PTPRK: variants seen among roughly 807,000 people sequenced by gnomAD.
The protein encoded by PTPRK is protein tyrosine phosphatase receptor type K.
Under a neutral mutation model 178.0 loss-of-function variants are expected in PTPRK, and 75 were observed. The ratio of observed to expected loss-of-function variants is 0.42; its 90% CI spans 0.35 to 0.51. The LOEUF is 0.51. Ranked by LOEUF, PTPRK falls within the 20% of genes least tolerant of loss-of-function variation. The pLI is 0.02. For missense variants in PTPRK, 1,441 were observed against 1,797.8 expected, an observed-to-expected ratio of 0.80 and a Z score of 3.59; for synonymous variants, 637 against 620.6, an observed-to-expected ratio of 1.03 and a Z score of -0.39.
rs540465290 is a variant in PTPRK, at chr6:128,112,575, G to C, written c.1163-22583C>G. ...TGTGACAGAGGAAACATAAATCTAA[G>C]TGTATCACAGTTTCAGAGCTCTGGA... On this transcript the variant is annotated intron_variant, in intron 7 of 29. Transcript: ENST00000368226. 1.1e-4 allele frequency among the ~76,000 whole-genome samples: 16 copies of C among 152,170 alleles called. No homozygotes were observed. The South Asian group carries it at 3.3e-3, about 32-fold the overall frequency.
At chr6:128,082,001 A>C (rs1784906495) in intron 10 of PTPRK, among the ~76,000 whole-genome samples, 1 of 152,052 alleles carries the variant, frequency 6.6e-6, no homozygotes, top group Non-Finnish European at 1.5e-5. Flanking sequence ...TCTTTGTTTA[A>C]AATTATCATA....
intron 13 of PTPRK, among the ~76,000 whole-genome samples, chr6:128,016,399 G>A (rs944119887): frequency 2.0e-5 from 3 of 151,732 alleles, no homozygotes; most frequent in African/African-American, 4.8e-5. Flanking sequence ...CCTTATCTTC[G>A]GAAAGAAAGG....
intron 6 of PTPRK, among the ~76,000 whole-genome samples, chr6:128,201,825 G>A (rs1477659852): frequency 1.3e-5 from 2 of 152,084 alleles, no homozygotes; most frequent in Non-Finnish European, 2.9e-5. Context: ...GCAACTTAAA[G>A]GAAATGCATT....
chr6:128,307,727 G>C (rs1010168666), intron 3 of PTPRK, among the ~76,000 whole-genome samples: 15 of 152,064 alleles, frequency 9.9e-5, no homozygotes, highest in African/African-American at 3.4e-4. Flanking sequence ...CTCAATGGTA[G>C]TCAGAAAAAT....
intron 1 of PTPRK, among the ~76,000 whole-genome samples, chr6:128,511,339 C>G (rs1308489861): frequency 6.6e-6 from 1 of 152,188 alleles, no homozygotes; most frequent in African/African-American, 2.4e-5. Context: ...GATTACAAAC[C>G]CTGGGCCAAG....
chr6:128,488,911 G>C (rs1366460918), intron 1 of PTPRK, among the ~76,000 whole-genome samples: 1 of 149,634 alleles, frequency 6.7e-6, no homozygotes, highest in Non-Finnish European at 1.5e-5. Flanking sequence ...AGTAGGATAA[G>C]TTTACTCACA....
At chr6:128,066,700 CAATAAATA>C (rs138949244) in intron 12 of PTPRK, among the ~76,000 whole-genome samples, 14,760 of 149,448 alleles carry the variant, frequency 0.099, 2,146 homozygotes, top group African/African-American at 0.32. Flanking sequence ...CTCTGTCTGC[CAATAAATA>C]AATAAATAAA....
At chr6:128,370,062 AG>A (rs1234826461) in intron 2 of PTPRK, among the ~76,000 whole-genome samples, 5 of 152,188 alleles carry the variant, frequency 3.3e-5, no homozygotes, top group African/African-American at 1.2e-4. Context: ...AAGAAATGAA[AG>A]CTGCATTTCA....
intron 13 of PTPRK, among the ~76,000 whole-genome samples, chr6:128,020,569 G>A (rs1285390570): frequency 6.6e-6 from 1 of 152,106 alleles, no homozygotes. Flanking sequence ...ATTTTTAGTG[G>A]TACAATCTCA....
chr6:128,380,539 T>TACAC lies in PTPRK; in HGVS notation c.223+17023_223+17026dup, dbSNP rs59409813. Among the ~76,000 whole-genome samples the TACAC allele has an allele frequency of 6.6e-4, 97 of 146,000 alleles. 1 individual carries two copies. The highest frequency in any genetic ancestry group is 5.5e-3 in the South Asian group (25 of 4,584). ...TCACACACCTTCCTACACACAGACA[T>TACAC]ACACACACACACACGTGTGTGTGTG... On this transcript the variant is annotated intron_variant, in intron 2 of 29. Coordinates refer to ENST00000368226, the MANE Select transcript of PTPRK (RefSeq NM_002844.4).
chr6:128,345,930 G>T (rs1013820234), intron 2 of PTPRK, among the ~76,000 whole-genome samples: 6 of 152,092 alleles, frequency 3.9e-5, no homozygotes, highest in Non-Finnish European at 1.5e-5. Context: ...AACTACAAAG[G>T]AAAGTGGTAG....
intron 13 of PTPRK, among the ~76,000 whole-genome samples, chr6:128,044,175 C>T (rs1336077830): frequency 6.6e-6 from 1 of 151,996 alleles, no homozygotes; most frequent in East Asian, 1.9e-4. Context: ...TGCACAATGT[C>T]ACAAAACCAA....
chr6:128,192,774 G>A (rs1002836729), intron 6 of PTPRK, among the ~76,000 whole-genome samples: 2 of 148,434 alleles, frequency 1.3e-5, no homozygotes, highest in Non-Finnish European at 3.0e-5. Context: ...CCAGGATCAC[G>A]CTACTGCACT....
intron 1 of PTPRK, among the ~76,000 whole-genome samples, chr6:128,474,384 T>C (rs1398160458): frequency 6.6e-6 from 1 of 150,666 alleles, no homozygotes; most frequent in South Asian, 2.1e-4. Flanking sequence ...CATTCTTCAA[T>C]GGAAAAAAAA....
rs1738287 is a variant in PTPRK, at chr6:128,267,052, C to T, written c.496-24450G>A. Among the ~76,000 whole-genome samples the T allele has an allele frequency of 4.6e-3, 700 of 151,978 alleles. 2 individuals are homozygous for T. The highest frequency in any genetic ancestry group is 0.016 in the African/African-American group (675 of 41,458). On this transcript the variant is annotated intron_variant, in intron 3 of 29. Transcript: ENST00000368226. ...ATGAAATCACATAGCTAATTCAATG[C>T]TAATTCGATATTTAAGTTTTTCACA...
At chr6:128,269,688 T>C (rs1204916228) in intron 3 of PTPRK, among the ~76,000 whole-genome samples, 1 of 152,010 alleles carries the variant, frequency 6.6e-6, no homozygotes, top group African/African-American at 2.4e-5. Flanking sequence ...GAAATCCATA[T>C]GCTGGTGGAA....
chr6:128,479,843 C>T (rs1851833203), intron 1 of PTPRK, among the ~76,000 whole-genome samples: 1 of 152,136 alleles, frequency 6.6e-6, no homozygotes, highest in African/African-American at 2.4e-5. Context: ...AATAAGCACT[C>T]TATTCTTATA....
At chr6:128,504,920 C>T (rs1046674520) in intron 1 of PTPRK, among the ~76,000 whole-genome samples, 3 of 151,960 alleles carry the variant, frequency 2.0e-5, no homozygotes, top group African/African-American at 7.2e-5. Flanking sequence ...GTCTGCTTTC[C>T]AAATAATAAG....
chr6:128,294,424 T>A (rs1201679131), intron 3 of PTPRK, among the ~76,000 whole-genome samples: 1 of 152,064 alleles, frequency 6.6e-6, no homozygotes, highest in African/African-American at 2.4e-5. Flanking sequence ...CTGTTTCATA[T>A]CTATTTCTCT....
Sources: gnomAD v4.1 joint callset for allele counts (sites outside exome capture counted in the v4.1 genomes callset) on GRCh38, gnomAD v4.1.1 for gene constraint, MANE v1.5 for transcripts, NCBI Gene and HGNC (gene_info 2026-07-23, HGNC 2026-07-21) for gene names.